DACH1: variants seen among roughly 807,000 people sequenced by gnomAD.
DACH1 encodes the protein dachshund family transcription factor 1, also known as dachshund homolog 1.
A neutral mutation model predicts 54.2 loss-of-function variants in DACH1; 12 were observed. The ratio of observed to expected loss-of-function variants is 0.22; its 90% CI spans 0.14 to 0.36. The LOEUF is 0.36. Ranked by LOEUF, DACH1 falls within the 10% of genes least tolerant of loss-of-function variation. DACH1 has a pLI of 1.00. For synonymous variants in DACH1, 386 were observed against 366.2 expected, an observed-to-expected ratio of 1.05 and a Z score of -0.62; for missense variants, 805 against 929.8, an observed-to-expected ratio of 0.87 and a Z score of 1.75.
intron 2 of DACH1, among the ~76,000 whole-genome samples, chr13:71,633,603 C>T: frequency 6.7e-6 from 1 of 150,216 alleles, no homozygotes; most frequent in East Asian, 1.9e-4. Flanking sequence ...GTGTCACTGA[C>T]ACACACACAC....
intron 10 of DACH1, among the ~76,000 whole-genome samples, chr13:71,459,396 G>A (rs1593726152): frequency 6.6e-6 from 1 of 152,000 alleles, no homozygotes; most frequent in Middle Eastern, 3.4e-3. Flanking sequence ...AACAGTTGTA[G>A]TGTTTCAGGA....
chr13:71,505,677 C>T (rs547168947), intron 6 of DACH1, among the ~76,000 whole-genome samples: 203 of 152,122 alleles, frequency 1.3e-3, no homozygotes, highest in African/African-American at 4.8e-3. Context: ...AAGCTTTAGG[C>T]AAATAAATAA....
At chr13:71,645,656 C>G (rs1878213911) in intron 2 of DACH1, among the ~76,000 whole-genome samples, 1 of 152,162 alleles carries the variant, frequency 6.6e-6, no homozygotes, top group Admixed American at 6.5e-5. Context: ...GACAGTAACT[C>G]CGACTAGTGT....
At chr13:71,838,408 T>C (rs1012742074) in intron 1 of DACH1, among the ~76,000 whole-genome samples, 1 of 152,204 alleles carries the variant, frequency 6.6e-6, no homozygotes, top group Non-Finnish European at 1.5e-5. Flanking sequence ...GTGTGTTCTC[T>C]TATTTAACAA....
At chr13:71,471,967 T>A (rs890216380) in intron 10 of DACH1, among the ~76,000 whole-genome samples, 1 of 152,100 alleles carries the variant, frequency 6.6e-6, no homozygotes, top group Non-Finnish European at 1.5e-5. Context: ...CACTGCTCGA[T>A]GATTGTTTTT....
At chr13:71,645,716 C>T (rs1439361678) in intron 2 of DACH1, among the ~76,000 whole-genome samples, 7 of 152,264 alleles carry the variant, frequency 4.6e-5, no homozygotes, top group African/African-American at 1.4e-4. Flanking sequence ...GAAACTAAAA[C>T]GCTGAAAGAA....
At chr13:71,833,714 C>T (rs1888676121) in intron 1 of DACH1, among the ~76,000 whole-genome samples, 1 of 151,942 alleles carries the variant, frequency 6.6e-6, no homozygotes, top group Non-Finnish European at 1.5e-5. Flanking sequence ...AGAGACGCCA[C>T]TTAAAGACCT....
intron 1 of DACH1, among the ~76,000 whole-genome samples, chr13:71,819,463 T>A (rs1888102530): frequency 1.3e-5 from 2 of 152,188 alleles, no homozygotes; most frequent in Non-Finnish European, 1.5e-5. Context: ...GGAGCCTCTC[T>A]CCTTTCATTT....
intron 1 of DACH1, among the ~76,000 whole-genome samples, chr13:71,844,410 G>C (rs770696298): frequency 2.0e-4 from 31 of 152,070 alleles, no homozygotes; most frequent in South Asian, 1.0e-3. Flanking sequence ...GAAACATCAG[G>C]ATGCAGCCCA....
At chr13:71,671,175 A>G (rs997934257) in intron 2 of DACH1, among the ~76,000 whole-genome samples, 3 of 151,988 alleles carry the variant, frequency 2.0e-5, no homozygotes, top group Non-Finnish European at 1.5e-5. Context: ...ATTATATTCA[A>G]TAATTGCCAT....
At chr13:71,446,904 T>G (rs1359954051) in intron 10 of DACH1, among the ~76,000 whole-genome samples, 2 of 152,220 alleles carry the variant, frequency 1.3e-5, no homozygotes, top group Non-Finnish European at 2.9e-5. Context: ...GAGGTTGATA[T>G]GACAGAAAAG....
chr13:71,811,460 A>G (rs1200107579), intron 1 of DACH1, among the ~76,000 whole-genome samples: 2 of 152,164 alleles, frequency 1.3e-5, no homozygotes, highest in Non-Finnish European at 2.9e-5. Context: ...ATCACGATTT[A>G]TGAACTAATA....
chr13:71,854,710 T>C (rs1279639758), intron 1 of DACH1, among the ~76,000 whole-genome samples: 2 of 152,122 alleles, frequency 1.3e-5, no homozygotes, highest in African/African-American at 4.8e-5. Flanking sequence ...TCTACCTACT[T>C]TCCTTCCTTC....
At chr13:71,646,381 T>C (rs1878274473) in intron 2 of DACH1, among the ~76,000 whole-genome samples, 1 of 152,122 alleles carries the variant, frequency 6.6e-6, no homozygotes, top group Admixed American at 6.6e-5. Flanking sequence ...GTAATCGTTT[T>C]TCTTTTAAAC....
intron 2 of DACH1, among the ~76,000 whole-genome samples, chr13:71,669,465 G>T (rs1880081292): frequency 6.6e-6 from 1 of 152,158 alleles, no homozygotes; most frequent in African/African-American, 2.4e-5. Flanking sequence ...TGCAGATGGT[G>T]TGGTGAGTTG....
chr13:71,693,512 G>A (rs1881643230), intron 1 of DACH1, among the ~76,000 whole-genome samples: 1 of 145,012 alleles, frequency 6.9e-6, no homozygotes, highest in Admixed American at 6.9e-5. Context: ...TAGAGACGGG[G>A]TTTCACTGTG....
At chr13:71,564,288 T>C (rs2138393613) in intron 4 of DACH1, among the ~76,000 whole-genome samples, 1 of 152,152 alleles carries the variant, frequency 6.6e-6, no homozygotes, top group East Asian at 1.9e-4. Context: ...GTAATACCCT[T>C]TAACGTCCAA....
intron 4 of DACH1, among the ~76,000 whole-genome samples, chr13:71,564,729 A>G (rs1884801664): frequency 6.6e-6 from 1 of 152,142 alleles, no homozygotes; most frequent in Non-Finnish European, 1.5e-5. Flanking sequence ...AAAATGTATT[A>G]TATTTTATCA....
At position 71,723,766 on chromosome 13, in the gene DACH1, C is replaced by T. The variant is rs147519239; in HGVS notation, c.849-41856G>A. Among the ~76,000 whole-genome samples, 9 of 152,284 alleles carry T rather than the reference C, an allele frequency of 5.9e-5. 1 individual carries two copies. The East Asian group carries it at 1.7e-3, about 29-fold the overall frequency. On this transcript the variant is annotated intron_variant, in intron 1 of 10. Coordinates refer to ENST00000613252, the MANE Select transcript of DACH1 (RefSeq NM_080759.6). Reference sequence around the variant, plus strand: ...AGTGCAGTGGTGCTGTCTTGGCTTACTGCAACTTCTGCCTTCTGGGCTCTA... The same window carrying T: ...AGTGCAGTGGTGCTGTCTTGGCTTATTGCAACTTCTGCCTTCTGGGCTCTA...
Sources: gnomAD v4.1 joint callset for allele counts (sites outside exome capture counted in the v4.1 genomes callset) on GRCh38, gnomAD v4.1.1 for gene constraint, MANE v1.5 for transcripts, NCBI Gene and HGNC (gene_info 2026-07-23, HGNC 2026-07-21) for gene names.